The following SUSD4 variants were observed in gnomAD, a reference collection of about 807,000 sequenced individuals.
SUSD4 encodes sushi domain-containing protein 4.
SUSD4 carries 41 observed loss-of-function variants against 50.5 expected under a neutral mutation model. That is an observed-to-expected ratio of 0.81 (90% CI 0.63 to 1.05). The LOEUF is 1.05. Among genes scored for constraint, SUSD4 ranks in the 50% least tolerant of loss-of-function variants. The probability of loss-of-function intolerance (pLI) is 0.00; values close to 1 mark genes in which losing one functional copy is unlikely to be tolerated. For synonymous variants in SUSD4, 257 were observed against 257.3 expected, an observed-to-expected ratio of 1.00 and a Z score of 0.01; for missense variants, 580 against 634.7, an observed-to-expected ratio of 0.91 and a Z score of 0.93.
chr1:223,296,745 A>G (rs1472449073), intron 2 of SUSD4, among the ~76,000 whole-genome samples: 2 of 152,102 alleles, frequency 1.3e-5, no homozygotes, highest in African/African-American at 4.8e-5. Context: ...TGTTCTTGTG[A>G]TAGTGAATGA....
chr1:223,277,532 C>T (rs371028302), intron 3 of SUSD4, among the ~76,000 whole-genome samples: 1 of 151,976 alleles, frequency 6.6e-6, no homozygotes, highest in East Asian at 1.9e-4. Context: ...CCTGGGTGTG[C>T]CCAGGCATAG....
intron 2 of SUSD4, among the ~76,000 whole-genome samples, chr1:223,352,209 T>C (rs1312855226): frequency 6.6e-6 from 1 of 152,146 alleles, no homozygotes; most frequent in Non-Finnish European, 1.5e-5. Context: ...GCTACAGAGA[T>C]AGGGTAGGTT....
chr1:223,272,843 A>T (rs1189218874), intron 3 of SUSD4, among the ~76,000 whole-genome samples: 2 of 152,324 alleles, frequency 1.3e-5, no homozygotes, highest in South Asian at 4.1e-4. Context: ...CTCTAGGCTC[A>T]GGGTGTCCTG....
At chr1:223,324,512 CT>C (rs1666762026) in intron 2 of SUSD4, among the ~76,000 whole-genome samples, 1 of 151,864 alleles carries the variant, frequency 6.6e-6, no homozygotes, top group African/African-American at 2.4e-5. Flanking sequence ...TAAAACATAG[CT>C]CATAATAATA....
At chr1:223,296,288 G>A (rs17518279) in intron 2 of SUSD4, among the ~76,000 whole-genome samples, 75,909 of 151,872 alleles carry the variant, frequency 0.5, 20,340 homozygotes, top group African/African-American at 0.7. Context: ...GGAGAGAGGC[G>A]TCCAGGATAC....
intron 3 of SUSD4, among the ~76,000 whole-genome samples, chr1:223,276,219 T>C (rs73122239): frequency 0.04 from 6,095 of 152,318 alleles, 397 homozygotes; most frequent in African/African-American, 0.14. Flanking sequence ...GTGTTCAGGG[T>C]TGCTAACAGT....
At chr1:223,274,062 C>T (rs532863210) in intron 3 of SUSD4, among the ~76,000 whole-genome samples, 3 of 152,122 alleles carry the variant, frequency 2.0e-5, no homozygotes, top group South Asian at 4.2e-4. Flanking sequence ...GGACTCTGAA[C>T]TTAGTACCAC....
At chr1:223,279,242 G>A (rs1035298152) in intron 3 of SUSD4, among the ~76,000 whole-genome samples, 3 of 152,222 alleles carry the variant, frequency 2.0e-5, no homozygotes. Context: ...GACGAGTTGA[G>A]AGAAGAAGGC....
chr1:223,257,896 T>C (rs973654127), intron 5 of SUSD4, among the ~76,000 whole-genome samples: 1 of 152,148 alleles, frequency 6.6e-6, no homozygotes, highest in Non-Finnish European at 1.5e-5. Context: ...CTGGGCCTCA[T>C]CATGAACAGT....
chr1:223,328,307 C>T (rs571602456), intron 2 of SUSD4, among the ~76,000 whole-genome samples: 1 of 152,090 alleles, frequency 6.6e-6, no homozygotes, highest in Non-Finnish European at 1.5e-5. Flanking sequence ...ATAAGGAAGC[C>T]GGGGCTCTGA....
chr1:223,224,446 T>C (rs1330089105), intron 7 of SUSD4, among the ~76,000 whole-genome samples: 1 of 151,836 alleles, frequency 6.6e-6, no homozygotes, highest in Non-Finnish European at 1.5e-5. Context: ...CTGCATTCAG[T>C]ATAAAAATCA....
chr1:223,333,731 G>A (rs1308361302), intron 2 of SUSD4, among the ~76,000 whole-genome samples: 1 of 152,106 alleles, frequency 6.6e-6, no homozygotes, highest in East Asian at 1.9e-4. Flanking sequence ...AGGGGTGCAG[G>A]GCTGAAAGCA....
intron 5 of SUSD4, among the ~76,000 whole-genome samples, chr1:223,262,812 A>AG (rs1380118103): frequency 6.6e-6 from 1 of 152,174 alleles, no homozygotes; most frequent in African/African-American, 2.4e-5. Flanking sequence ...CAAAAACCCT[A>AG]GGGAAAAAAG....
chr1:223,276,110 G>A (rs1663247044), intron 3 of SUSD4, among the ~76,000 whole-genome samples: 1 of 152,212 alleles, frequency 6.6e-6, no homozygotes, highest in African/African-American at 2.4e-5. Flanking sequence ...AGTGGGGGTA[G>A]GTCTGCATTT....
chr1:223,225,793 C>G (rs565627244), intron 7 of SUSD4, among the ~76,000 whole-genome samples: 2 of 152,258 alleles, frequency 1.3e-5, no homozygotes, highest in South Asian at 2.1e-4. Context: ...CTGGCAGCTT[C>G]CCCTCCACGT....
chr1:223,250,048 C>T (rs905237994), intron 5 of SUSD4, among the ~76,000 whole-genome samples: 2 of 152,242 alleles, frequency 1.3e-5, no homozygotes, highest in Non-Finnish European at 2.9e-5. Context: ...TGCAAAGGTG[C>T]ACTTTCCTGG....
intron 2 of SUSD4, among the ~76,000 whole-genome samples, chr1:223,323,022 G>A (rs1013303891): frequency 2.0e-5 from 3 of 152,154 alleles, no homozygotes; most frequent in African/African-American, 7.2e-5. Flanking sequence ...ACAGGCAGAG[G>A]AAGCAGACGG....
chr1:223,344,144 A>G (rs1354461294), intron 2 of SUSD4, among the ~76,000 whole-genome samples: 1 of 152,196 alleles, frequency 6.6e-6, no homozygotes, highest in Admixed American at 6.5e-5. Context: ...CTTCTCAATA[A>G]ATATATACAG....
In SUSD4 at chr1:223,265,427, CG is replaced by C. The variant is rs1040621952; in HGVS notation, c.536-610del. On this transcript the variant is annotated intron_variant, in intron 4 of 8. Transcript: ENST00000366878. ...GTGGTTCTCAAACTCGAGAATGATC[CG>C]GAGGGCTTGTTAGACACAGGCTGCT... 3.2e-4 allele frequency among the ~76,000 whole-genome samples: 49 copies of C among 152,302 alleles called. 1 individual carries two copies. Among genetic ancestry groups the C allele is most frequent in the African/African-American group, 1.2e-3 (49 of 41,564 alleles).
Sources: gnomAD v4.1 joint callset for allele counts (sites outside exome capture counted in the v4.1 genomes callset) on GRCh38, gnomAD v4.1.1 for gene constraint, MANE v1.5 for transcripts, NCBI Gene and HGNC (gene_info 2026-07-23, HGNC 2026-07-21) for gene names.